The following GRAMD4 variants were observed in gnomAD, a reference collection of about 807,000 sequenced individuals.
GRAMD4 encodes the protein GRAM domain containing 4.
In GRAMD4, 25 loss-of-function variants were observed where a neutral mutation model predicts 83.9. The ratio of observed to expected loss-of-function variants is 0.30; its 90% CI spans 0.22 to 0.42. The LOEUF is 0.42. Ranked by LOEUF, GRAMD4 falls within the 10% of genes least tolerant of loss-of-function variation. The probability of loss-of-function intolerance (pLI) is 1.00; values close to 1 mark genes in which losing one functional copy is unlikely to be tolerated. For synonymous variants in GRAMD4, 336 were observed against 320.9 expected (o/e 1.05, Z -0.50); for missense variants, 593 against 788.7 (o/e 0.75, Z 2.97).
intron 1 of GRAMD4, among the ~76,000 whole-genome samples, chr22:46,594,119 C>G (rs894227853): frequency 1.3e-5 from 2 of 151,648 alleles, no homozygotes; most frequent in Admixed American, 6.6e-5. Context: ...CAGCCCCTCC[C>G]CAGCATCCTG....
At chr22:46,670,444 A>G (rs1273336373) in intron 13 of GRAMD4, among the ~76,000 whole-genome samples, 2 of 152,210 alleles carry the variant, frequency 1.3e-5, no homozygotes, top group Non-Finnish European at 2.9e-5. Context: ...ATGAATGGGT[A>G]GGTGACCACT....
At chr22:46,611,923 G>A (rs1351470183) in intron 1 of GRAMD4, among the ~76,000 whole-genome samples, 2 of 147,400 alleles carry the variant, frequency 1.4e-5, no homozygotes, top group Non-Finnish European at 3.0e-5. Context: ...TGTGAACCCG[G>A]GAAGCGGAGC....
chr22:46,580,827 C>T (rs906089402), intron 1 of GRAMD4, among the ~76,000 whole-genome samples: 1 of 151,918 alleles, frequency 6.6e-6, no homozygotes, highest in Admixed American at 6.6e-5. Flanking sequence ...ATTAGCCGGG[C>T]GTGTTGGCGC....
chr22:46,680,504 C>T (rs539424448), downstream of GRAMD4, among the ~76,000 whole-genome samples: 70 of 148,998 alleles, frequency 4.7e-4, 1 homozygote, highest in East Asian at 0.013. Flanking sequence ...CGTACTCCAT[C>T]GACATAGCCA....
chr22:46,599,902 T>C (rs1256334539), intron 1 of GRAMD4, among the ~76,000 whole-genome samples: 1 of 152,178 alleles, frequency 6.6e-6, no homozygotes, highest in African/African-American at 2.4e-5. Context: ...TGGGGACTCC[T>C]TAGTCCTGAG....
At chr22:46,629,708 G>T (rs547392990) in intron 2 of GRAMD4, among the ~76,000 whole-genome samples, 1 of 152,314 alleles carries the variant, frequency 6.6e-6, no homozygotes, top group East Asian at 1.9e-4. Flanking sequence ...CGACTCAGGG[G>T]TTTCTATTAA....
intron 13 of GRAMD4, among the ~76,000 whole-genome samples, chr22:46,669,679 G>C (rs2082471472): frequency 6.6e-6 from 1 of 151,354 alleles, no homozygotes; most frequent in Non-Finnish European, 1.5e-5. Flanking sequence ...GGGTTCAAGT[G>C]ATTCTCCTGC....
upstream of GRAMD4, among the ~76,000 whole-genome samples, chr22:46,616,794 A>G (rs1480490838): frequency 8.3e-6 from 1 of 120,602 alleles, no homozygotes; most frequent in Non-Finnish European, 1.7e-5. Context: ...CCCTGTGTGT[A>G]GGTTCCCCTG....
At chr22:46,580,889 C>T (rs1286000130) in intron 1 of GRAMD4, among the ~76,000 whole-genome samples, 1 of 151,362 alleles carries the variant, frequency 6.6e-6, no homozygotes, top group Non-Finnish European at 1.5e-5. Context: ...ATCGCTTGAA[C>T]CCGGGAGGCA....
chr22:46,634,535 G>T (rs1312585100), intron 2 of GRAMD4, among the ~76,000 whole-genome samples: 4 of 152,230 alleles, frequency 2.6e-5, no homozygotes, highest in Non-Finnish European at 2.9e-5. Flanking sequence ...TGCCAGCCTG[G>T]TCCTTGGTCC....
chr22:46,678,343 G>A lies in GRAMD4; in HGVS notation c.*1092G>A, dbSNP rs531076595. On this transcript the variant is annotated 3_prime_UTR_variant, in exon 19 of 19. Transcript: ENST00000406902. ...CCTGCACTGCCTGCAGCCGACATGC[G>A]ACAGCGTTCCCTCCCCCGCGTGCCT... The A allele has an allele frequency of 1.4e-5, 14 of 985,484 alleles. No individual in the cohort carries two copies. Among genetic ancestry groups the A allele is most frequent in the African/African-American group, 1.2e-4 (7 of 57,364 alleles). 61.0% of individuals were successfully genotyped at this position (985,484 alleles called of 1,614,324 possible).
intron 3 of GRAMD4, among the ~76,000 whole-genome samples, chr22:46,643,169 A>C (rs1436220130): frequency 4.5e-5 from 5 of 111,660 alleles, no homozygotes; most frequent in Admixed American, 9.8e-5. Context: ...CCATCCATCC[A>C]TCCATCCATC....
intron 3 of GRAMD4, among the ~76,000 whole-genome samples, chr22:46,642,964 TATCCATCC>T (rs753919146): frequency 2.2e-5 from 3 of 136,268 alleles, no homozygotes; most frequent in African/African-American, 5.5e-5. Flanking sequence ...CGCATGCATC[TATCCATCC>T]ATCCATCCAT....
intron 1 of GRAMD4, among the ~76,000 whole-genome samples, chr22:46,594,005 G>A (rs1218511054): frequency 2.0e-5 from 3 of 151,740 alleles, no homozygotes; most frequent in Non-Finnish European, 4.4e-5. Context: ...GATTATAGGC[G>A]TGAGCCACCT....
At chr22:46,605,758 CTA>C (rs2081358788) in intron 1 of GRAMD4, among the ~76,000 whole-genome samples, 18 of 106,526 alleles carry the variant, frequency 1.7e-4, no homozygotes, top group Non-Finnish European at 2.1e-5. Flanking sequence ...CTGCATGGGC[CTA>C]TGGCCGGTGC....
chr22:46,661,098 T>C (rs2082319824), intron 4 of GRAMD4, among the ~76,000 whole-genome samples: 1 of 152,182 alleles, frequency 6.6e-6, no homozygotes, highest in African/African-American at 2.4e-5. Flanking sequence ...CTGAGTTTAA[T>C]GATGTTGAAA....
chr22:46,617,783 G>A (rs1297320037), upstream of GRAMD4, among the ~76,000 whole-genome samples: 2 of 152,266 alleles, frequency 1.3e-5, no homozygotes, highest in Non-Finnish European at 2.9e-5. Context: ...GCCCCCCTGG[G>A]TGGCTTCCCT....
chr22:46,605,378 C>T (rs1011728771), intron 1 of GRAMD4, among the ~76,000 whole-genome samples: 2 of 152,234 alleles, frequency 1.3e-5, no homozygotes, highest in African/African-American at 4.8e-5. Context: ...GTTGCTTCAC[C>T]CTTTTGGCTC....
intron 1 of GRAMD4, among the ~76,000 whole-genome samples, chr22:46,598,189 C>T (rs1188712751): frequency 6.6e-6 from 1 of 151,994 alleles, no homozygotes; most frequent in African/African-American, 2.4e-5. Context: ...TCCATGTTGG[C>T]CAGGCTGGTC....
Sources: gnomAD v4.1 joint callset for allele counts (sites outside exome capture counted in the v4.1 genomes callset) on GRCh38, gnomAD v4.1.1 for gene constraint, MANE v1.5 for transcripts, NCBI Gene and HGNC (gene_info 2026-07-23, HGNC 2026-07-21) for gene names.